SIRT2: variants seen among roughly 807,000 people sequenced by gnomAD.
SIRT2 encodes the protein sirtuin 2, also known as NAD-dependent protein deacetylase sirtuin-2.
Under a neutral mutation model 57.4 loss-of-function variants are expected in SIRT2, and 40 were observed. That is an observed-to-expected ratio of 0.70 (90% CI 0.54 to 0.91). SIRT2 has a LOEUF of 0.91. SIRT2 is among the 40% of genes least tolerant of loss of function. The pLI is 0.00. For missense variants in SIRT2, 439 were observed against 510.4 expected, an observed-to-expected ratio of 0.86 and a Z score of 1.35; for synonymous variants, 161 against 195.7, an observed-to-expected ratio of 0.82 and a Z score of 1.48.
At chr19:38,898,224 G>T (rs1485553941) in intron 2 of SIRT2, among the ~76,000 whole-genome samples, 155 bp downstream of exon 2, 1 of 152,236 alleles carries the variant, frequency 6.6e-6, no homozygotes, top group East Asian at 1.9e-4. Flanking sequence ...CCCAGAATCT[G>T]CCTTTCCCCA....
chr19:38,878,836 A>C lies in SIRT2; in HGVS notation c.*319T>G. 2 of 266,744 alleles carry C rather than the reference A, an allele frequency of 7.5e-6. No homozygotes were observed. The highest frequency in any genetic ancestry group is 7.7e-5 in the East Asian group (1 of 12,988). The allele number at this position is 266,744 out of a possible 1,614,324, so 16.5% of individuals were successfully genotyped here. A position where few individuals can be genotyped will look rare whatever the true frequency, so the allele number is the denominator to read the frequency against. ...GGGGCCCGAAGCTCCCTGTCCTGGA[A>C]GAGTTAAAAGTTCTGGGGTAGCCCT... On this transcript the variant is annotated 3_prime_UTR_variant, in exon 16 of 16. Transcript: ENST00000249396.
intron 4 of SIRT2, among the ~76,000 whole-genome samples, chr19:38,891,302 A>T (rs1375680668): frequency 6.6e-6 from 1 of 152,108 alleles, no homozygotes; most frequent in Admixed American, 6.5e-5. Flanking sequence ...TAATCCCAGC[A>T]CTTTGGGAGG....
chr19:38,881,880 G>A (rs1473857798), intron 9 of SIRT2, among the ~76,000 whole-genome samples: 1 of 151,718 alleles, frequency 6.6e-6, no homozygotes, highest in East Asian at 1.9e-4. Context: ...TAGAGACAGG[G>A]TTTCGCCATG....
intron 1 of SIRT2, 77 bp from the exon 2 acceptor site, chr19:38,898,502 AG>A (rs1973806903): frequency 1.4e-6 from 1 of 734,066 alleles, no homozygotes. Flanking sequence ...ATGGTCAGTG[AG>A]GGGGCAAGAA....
Position 38,880,013 on chromosome 19 carries a change from C to CG in SIRT2, c.877-312dup, listed in dbSNP as rs1380882720. ...GCTAATTTTGTATTATTAGTAGAGA[C>CG]GGGGTTTCACCATGTTGGTCAGGCT... On this transcript the variant is annotated intron_variant, in intron 13 of 15. Transcript: ENST00000249396. The surrounding 1 kb of genome is among the most constrained non-coding windows in gnomAD (Gnocchi z 4.1). 1.0e-5 allele frequency: 3 copies of CG among 301,388 alleles called. No homozygotes were observed. The highest frequency in any genetic ancestry group is 1.9e-5 in the Non-Finnish European group (3 of 158,860). 18.7% of individuals were successfully genotyped at this position (301,388 alleles called of 1,614,324 possible).
chr19:38,879,863 TTGCCCAGG>T (rs1160208029), intron 13 of SIRT2, 161 bp from the exon 14 acceptor site: 10 of 609,674 alleles, frequency 1.6e-5, no homozygotes, highest in Middle Eastern at 4.4e-4. Context: ...TTCACTCTTG[TTGCCCAGG>T]CTGGAGTGCA....
At chr19:38,884,296 A>C (rs2144675954) in intron 8 of SIRT2, among the ~76,000 whole-genome samples, 1 of 152,336 alleles carries the variant, frequency 6.6e-6, no homozygotes, top group African/African-American at 2.4e-5. Flanking sequence ...GCTGAAATTA[A>C]CATACATTTA....
Position 38,880,543 on chromosome 19 carries a change from G to A in SIRT2, c.876+142C>T, listed in dbSNP as rs914506830. ...TGAATGTCCCAGAGGCCTGGAACCC[G>A]ACCCCTCTGGATTCTAGAGCCCCAG... On this transcript the variant is annotated intron_variant, in intron 13 of 15. Transcript: ENST00000249396. The surrounding 1 kb of genome is among the most constrained non-coding windows in gnomAD (Gnocchi z 4.1). 2.6e-5 allele frequency: 16 copies of A among 625,604 alleles called. No individual in the cohort carries two copies. Among genetic ancestry groups the A allele is most frequent in the South Asian group, 4.6e-5 (2 of 43,880 alleles). The allele number at this position is 625,604 out of a possible 1,614,324, so 38.8% of individuals were successfully genotyped here. A position where few individuals can be genotyped will look rare whatever the true frequency, so the allele number is the denominator to read the frequency against.
At chr19:38,896,649 C>T (rs999836277) in intron 2 of SIRT2, among the ~76,000 whole-genome samples, 3 of 152,214 alleles carry the variant, frequency 2.0e-5, no homozygotes, top group East Asian at 1.9e-4. Flanking sequence ...TTTACATCCT[C>T]GCCTCTCTCT....
Position 38,880,374 on chromosome 19 carries a change from A to G in SIRT2, c.876+311T>C, listed in dbSNP as rs7249675. 0.17 allele frequency: 56,567 copies of G among 332,672 alleles called. 8,104 individuals are homozygous for G. Among genetic ancestry groups the G allele is most frequent in the African/African-American group, 0.46 (21,341 of 46,534 alleles). 20.6% of individuals were successfully genotyped at this position (332,672 alleles called of 1,614,324 possible). A position where few individuals can be genotyped will look rare whatever the true frequency, so the allele number is the denominator to read the frequency against. On this transcript the variant is annotated intron_variant, in intron 13 of 15. Coordinates refer to ENST00000249396, the MANE Select transcript of SIRT2 (RefSeq NM_012237.4). The surrounding 1 kb of genome is among the most constrained non-coding windows in gnomAD (Gnocchi z 4.1). ...CAGGAAAAACAGACCTGAGAGACCCAGAGCGTGGACCCAACCCCGCCCCCC... is the reference window on the plus strand; with the variant it reads ...CAGGAAAAACAGACCTGAGAGACCCGGAGCGTGGACCCAACCCCGCCCCCC...
At position 38,893,973 on chromosome 19, in the gene SIRT2, T is replaced by A. The variant is rs752075033; in HGVS notation, c.64-106A>T. The A allele has an allele frequency of 1.9e-6, 3 of 1,575,838 alleles. No homozygotes were observed. In the African/African-American group the frequency reaches 4.0e-5, roughly 21 times the overall value. On this transcript the variant is annotated intron_variant, in intron 2 of 15. Transcript: ENST00000249396. ...AAAAGGCTGTGGCAGGAAGGTGGCC[T>A]GAGGAAGTGCGGGGTGGTGGAGAGA...
chr19:38,895,674 T>C (rs1346653260), intron 2 of SIRT2, among the ~76,000 whole-genome samples: 1 of 152,208 alleles, frequency 6.6e-6, no homozygotes, highest in African/African-American at 2.4e-5. Context: ...TGGTGGCTCA[T>C]GCCTGTAATC....
intron 2 of SIRT2, chr19:38,894,554 C>A (rs186147367): frequency 3.4e-6 from 1 of 296,292 alleles, no homozygotes; most frequent in South Asian, 3.1e-5. Flanking sequence ...CCTTCGTTCC[C>A]GGGTCCCCTG....
chr19:38,889,057 C>G, intron 8 of SIRT2, 30 bp downstream of exon 8: 1 of 1,604,366 alleles, frequency 6.2e-7, no homozygotes, highest in Non-Finnish European at 8.5e-7. Flanking sequence ...ACCCGCCCAT[C>G]CTCCTCCCAG....
intron 4 of SIRT2, among the ~76,000 whole-genome samples, chr19:38,892,819 C>A (rs1293622176): frequency 6.6e-6 from 1 of 152,152 alleles, no homozygotes; most frequent in African/African-American, 2.4e-5. Context: ...GTTGAGTGAT[C>A]CTCCCACGAT....
At chr19:38,894,491 A>C in intron 2 of SIRT2, 1 of 232,062 alleles carries the variant, frequency 4.3e-6, no homozygotes, top group African/African-American at 2.3e-5. Flanking sequence ...GGGGCGGGGG[A>C]AGTGCTTGGT....
chr19:38,896,381 A>T (rs1346460100), intron 2 of SIRT2, among the ~76,000 whole-genome samples: 1 of 152,182 alleles, frequency 6.6e-6, no homozygotes, highest in Non-Finnish European at 1.5e-5. Context: ...CACCTAATTT[A>T]AAAAATAATT....
At chr19:38,899,181 G>A (rs942411705) in intron 1 of SIRT2, among the ~76,000 whole-genome samples, 3 of 152,124 alleles carry the variant, frequency 2.0e-5, no homozygotes, top group Non-Finnish European at 4.4e-5. Context: ...TCCTCTGGTT[G>A]CCTCTAACAA....
Position 38,880,773 on chromosome 19 carries a change from C to A in SIRT2, c.825-37G>T, listed in dbSNP as rs768044448. The A allele has an allele frequency of 1.2e-6, 2 of 1,612,326 alleles. No individual in the cohort carries two copies. Among genetic ancestry groups the A allele is most frequent in the Non-Finnish European group, 8.5e-7 (1 of 1,178,814 alleles). On this transcript the variant is annotated intron_variant, in intron 12 of 15. Transcript: ENST00000249396. The surrounding 1 kb of genome is among the most constrained non-coding windows in gnomAD (Gnocchi z 4.1). Reference sequence around the variant, plus strand: ...GGGAGCTAAGGGGTCAGGGTCTGTCCTGGCCCTGGGTGCCCAGCCGTCCTC... The same window carrying A: ...GGGAGCTAAGGGGTCAGGGTCTGTCATGGCCCTGGGTGCCCAGCCGTCCTC...
Sources: gnomAD v4.1 joint callset for allele counts (sites outside exome capture counted in the v4.1 genomes callset) on GRCh38, gnomAD v4.1.1 for gene constraint, Gnocchi (gnomAD v3.1) non-coding constraint, MANE v1.5 for transcripts, NCBI Gene and HGNC (gene_info 2026-07-23, HGNC 2026-07-21) for gene names.